SLCO3A1: variants seen among roughly 807,000 people sequenced by gnomAD.
SLCO3A1 encodes the protein solute carrier organic anion transporter family member 3A1, also known as PGE1 transporter.
Under a neutral mutation model 63.1 loss-of-function variants are expected in SLCO3A1, and 27 were observed. That is an observed-to-expected ratio of 0.43 (90% confidence interval 0.32 to 0.59). The LOEUF (loss-of-function observed/expected upper bound fraction) is 0.59, where lower values mean the gene tolerates loss of function less well. Among genes scored for constraint, SLCO3A1 ranks in the 20% least tolerant of loss-of-function variants. The pLI, the probability that SLCO3A1 is intolerant of heterozygous loss-of-function variation, is 0.09. For synonymous variants in SLCO3A1, 473 were observed against 409.9 expected (o/e 1.15, Z -1.86); for missense variants, 773 against 945.8 (o/e 0.82, Z 2.40).
chr15:91,905,586 A>G (rs1898277753), intron 1 of SLCO3A1, among the ~76,000 whole-genome samples: 2 of 150,384 alleles, frequency 1.3e-5, no homozygotes, highest in Non-Finnish European at 2.9e-5. Context: ...ACCTGTGGAA[A>G]TGGATGGCAG....
chr15:92,106,159 T>A (rs2047665172), intron 4 of SLCO3A1, among the ~76,000 whole-genome samples: 1 of 152,212 alleles, frequency 6.6e-6, no homozygotes, highest in Non-Finnish European at 1.5e-5. Flanking sequence ...TTGTGCGATT[T>A]CTGAAAAGAG....
chr15:92,147,704 C>T (rs2048246993), intron 8 of SLCO3A1, among the ~76,000 whole-genome samples: 1 of 152,158 alleles, frequency 6.6e-6, no homozygotes, highest in Non-Finnish European at 1.5e-5. Flanking sequence ...CATTCTTGTA[C>T]AAAGAGGTTG....
chr15:91,881,372 G>C (rs1322500182), intron 1 of SLCO3A1, among the ~76,000 whole-genome samples: 1 of 151,820 alleles, frequency 6.6e-6, no homozygotes, highest in Non-Finnish European at 1.5e-5. Context: ...CTGAATACCA[G>C]CCACAGGTCT....
In SLCO3A1 at chr15:91,854,356, G is replaced by A. The variant is rs1297447381; in HGVS notation, c.180+268G>A. On this transcript the variant is annotated intron_variant, in intron 1 of 9. Transcript: ENST00000318445. The surrounding 1 kb of genome is among the most constrained non-coding windows in gnomAD (Gnocchi z 6.4). ...AGGGGGTGCCGGGGGAGGAGAGGCG[G>A]CGGGCAGGTGGGCGTGAAACTATTC... 3.7e-5 allele frequency: 40 copies of A among 1,094,012 alleles called. No homozygotes were observed. The highest frequency in any genetic ancestry group is 4.4e-5 in the Non-Finnish European group (40 of 899,102). The allele number at this position is 1,094,012 out of a possible 1,614,324, so 67.8% of individuals were successfully genotyped here.
intron 2 of SLCO3A1, among the ~76,000 whole-genome samples, chr15:92,018,011 T>G (rs1215776401): frequency 3.3e-5 from 5 of 151,942 alleles, no homozygotes; most frequent in Non-Finnish European, 5.9e-5. Flanking sequence ...TGGAGGAGGA[T>G]GGATGGGAGG....
intron 3 of SLCO3A1, among the ~76,000 whole-genome samples, chr15:92,102,125 C>T (rs772523830): frequency 6.6e-6 from 1 of 152,104 alleles, no homozygotes; most frequent in Non-Finnish European, 1.5e-5. Context: ...TTTATGGAGC[C>T]TGGAGACAAT....
chr15:91,923,682 C>G (rs1157744447), intron 2 of SLCO3A1, among the ~76,000 whole-genome samples: 1 of 152,140 alleles, frequency 6.6e-6, no homozygotes, highest in African/African-American at 2.4e-5. Flanking sequence ...AATAAGAAAA[C>G]CTAAATAATA....
intron 2 of SLCO3A1, among the ~76,000 whole-genome samples, chr15:91,983,579 C>G (rs1189625740): frequency 6.6e-6 from 1 of 152,188 alleles, no homozygotes; most frequent in African/African-American, 2.4e-5. Flanking sequence ...CTCCTGAGAG[C>G]TCAGCTCACT....
chr15:91,972,787 G>T (rs1272116213), intron 2 of SLCO3A1, among the ~76,000 whole-genome samples: 1 of 152,150 alleles, frequency 6.6e-6, no homozygotes. Flanking sequence ...CTCCAGGTTT[G>T]ACTGTGGATG....
At chr15:91,983,243 G>A (rs1307889968) in intron 2 of SLCO3A1, among the ~76,000 whole-genome samples, 2 of 152,182 alleles carry the variant, frequency 1.3e-5, no homozygotes, top group African/African-American at 2.4e-5. Flanking sequence ...TTTTTACAGC[G>A]TTCCCACTTT....
intron 4 of SLCO3A1, among the ~76,000 whole-genome samples, chr15:92,106,834 G>C (rs1055313663): frequency 1.3e-5 from 2 of 152,200 alleles, no homozygotes; most frequent in African/African-American, 2.4e-5. Context: ...TGGGAGTCAC[G>C]GGTGAGGAAA....
At chr15:92,145,552 C>T (rs749227690) in intron 7 of SLCO3A1, among the ~76,000 whole-genome samples, 1 of 152,028 alleles carries the variant, frequency 6.6e-6, no homozygotes, top group Non-Finnish European at 1.5e-5. Flanking sequence ...GTGGAGCGAC[C>T]CTTGAAAAGG....
chr15:92,038,636 C>A (rs143948357), intron 2 of SLCO3A1, among the ~76,000 whole-genome samples: 2,137 of 152,206 alleles, frequency 0.014, 47 homozygotes, highest in African/African-American at 0.05. Flanking sequence ...TTCCATCCTC[C>A]TGGATAGGAA....
At chr15:91,958,086 G>T (rs1035543062) in intron 2 of SLCO3A1, among the ~76,000 whole-genome samples, 3 of 152,238 alleles carry the variant, frequency 2.0e-5, no homozygotes, top group East Asian at 1.9e-4. Flanking sequence ...GAGAAAACTT[G>T]CAGATGAATT....
At chr15:92,111,546 C>T (rs919781330) in intron 4 of SLCO3A1, among the ~76,000 whole-genome samples, 3 of 152,174 alleles carry the variant, frequency 2.0e-5, no homozygotes, top group Non-Finnish European at 4.4e-5. Flanking sequence ...TCTGCCATGT[C>T]ACAGGAGTTG....
chr15:92,107,383 G>T lies in SLCO3A1; in HGVS notation c.1009+2841G>T, dbSNP rs192396642. ...GAAGTGGGGCCACAGTCGTTTACAT[G>T]ATTTATTTCTCCATGCGAGACACAT... is the stretch of plus-strand genomic sequence containing the variant. On this transcript the variant is annotated intron_variant, in intron 4 of 9. Transcript: ENST00000318445. Among the ~76,000 whole-genome samples the T allele has an allele frequency of 7.9e-5, 12 of 152,026 alleles. No individual in the cohort carries two copies. In the East Asian group the frequency reaches 2.3e-3, roughly 30 times the overall value.
intron 8 of SLCO3A1, among the ~76,000 whole-genome samples, chr15:92,150,311 C>T (rs996142652): frequency 6.6e-6 from 1 of 152,154 alleles, no homozygotes; most frequent in Admixed American, 6.5e-5. Context: ...CTGCCTTTCC[C>T]ACCCCACTGA....
At chr15:92,156,849 G>A (rs562705230) in intron 9 of SLCO3A1, among the ~76,000 whole-genome samples, 9 of 152,184 alleles carry the variant, frequency 5.9e-5, no homozygotes, top group South Asian at 2.1e-4. Flanking sequence ...ATTTTGTCCC[G>A]TAAAGGAATT....
chr15:91,947,617 T>G (rs1899854296), intron 2 of SLCO3A1, among the ~76,000 whole-genome samples: 3 of 152,204 alleles, frequency 2.0e-5, no homozygotes, highest in Non-Finnish European at 1.5e-5. Context: ...GCCTTCGGCC[T>G]TTGTCACTTG....
Sources: allele counts gnomAD v4.1 joint callset (sites outside exome capture counted in the v4.1 genomes callset), GRCh38; gene constraint gnomAD v4.1.1; non-coding constraint Gnocchi (gnomAD v3.1); transcripts MANE v1.5; gene names NCBI Gene and HGNC (gene_info 2026-07-23, HGNC 2026-07-21).